ARHGAP26: variants seen among roughly 807,000 people sequenced by gnomAD.
The protein encoded by ARHGAP26 is rho GTPase-activating protein 26.
A neutral mutation model predicts 104.8 loss-of-function variants in ARHGAP26; 38 were observed. The ratio of observed to expected loss-of-function variants is 0.36; its 90% CI spans 0.28 to 0.48. The LOEUF (loss-of-function observed/expected upper bound fraction) is 0.48, where lower values mean the gene tolerates loss of function less well. Ranked by LOEUF, ARHGAP26 falls within the 20% of genes least tolerant of loss-of-function variation. The pLI, the probability that ARHGAP26 is intolerant of heterozygous loss-of-function variation, is 0.99. For missense variants in ARHGAP26, 704 were observed against 947.9 expected (o/e 0.74, Z 3.38); for synonymous variants, 341 against 340.0 (o/e 1.00, Z -0.03).
At chr5:143,105,347 G>T (rs759093337) in intron 17 of ARHGAP26, among the ~76,000 whole-genome samples, 3 of 151,426 alleles carry the variant, frequency 2.0e-5, no homozygotes, top group Non-Finnish European at 4.4e-5. Flanking sequence ...TTGCACTCCA[G>T]CCTGGGCAAC....
intron 20 of ARHGAP26, among the ~76,000 whole-genome samples, chr5:143,185,678 A>G (rs1398651154): frequency 6.6e-6 from 1 of 152,216 alleles, no homozygotes; most frequent in East Asian, 1.9e-4. Flanking sequence ...CATTCTGTCA[A>G]GAGAGCACTT....
chr5:143,195,811 CTT>C (rs879733673), intron 20 of ARHGAP26, among the ~76,000 whole-genome samples: 3 of 141,402 alleles, frequency 2.1e-5, no homozygotes, highest in South Asian at 2.2e-4. Context: ...GCTGGGGAGA[CTT>C]TTTTTTTTTT....
chr5:142,973,216 T>G (rs1360114836), intron 11 of ARHGAP26, among the ~76,000 whole-genome samples: 2 of 152,060 alleles, frequency 1.3e-5, no homozygotes, highest in African/African-American at 4.8e-5. Context: ...ATAGAAGAGA[T>G]CGTTAAAAAG....
intron 11 of ARHGAP26, among the ~76,000 whole-genome samples, chr5:142,954,261 C>G (rs1768851636): frequency 6.6e-6 from 1 of 152,168 alleles, no homozygotes; most frequent in African/African-American, 2.4e-5. Context: ...GTAATGTTCA[C>G]TCAATGCAGA....
chr5:142,969,183 T>C (rs1451029526), intron 11 of ARHGAP26: 1 of 152,270 alleles, frequency 6.6e-6, no homozygotes, highest in Non-Finnish European at 1.5e-5. Flanking sequence ...TCAAGCAATC[T>C]GCCCACCTCA....
chr5:143,163,320 T>C (rs1599311828), intron 20 of ARHGAP26, among the ~76,000 whole-genome samples: 1 of 152,186 alleles, frequency 6.6e-6, no homozygotes, highest in Non-Finnish European at 1.5e-5. Context: ...TTGGCAATTG[T>C]AGGCAGGGTT....
At chr5:143,057,857 G>C (rs1016922685) in intron 17 of ARHGAP26, 110 bp downstream of exon 17, 2 of 919,614 alleles carry the variant, frequency 2.2e-6, no homozygotes. Context: ...TATTGCATCA[G>C]GTATGCTGGA....
chr5:143,087,006 G>GA (rs1275196822), intron 17 of ARHGAP26, among the ~76,000 whole-genome samples: 1 of 152,242 alleles, frequency 6.6e-6, no homozygotes, highest in African/African-American at 2.4e-5. Context: ...GAGCTTGCTA[G>GA]ATCATGTTCC....
intron 1 of ARHGAP26, among the ~76,000 whole-genome samples, chr5:142,775,469 G>A (rs1296752606): frequency 6.6e-6 from 1 of 152,022 alleles, no homozygotes; most frequent in African/African-American, 2.4e-5. Flanking sequence ...GTCGAGGTTT[G>A]TTTGTTGTAA....
Position 142,997,308 on chromosome 5 carries a change from G to A in ARHGAP26, c.1108-16772G>A, listed in dbSNP as rs140662422. The stretch of plus-strand genomic sequence containing the variant: ...CATGGGTAGAGTGGTGAAACATTTT[G>A]ATCATCCACTGTGCATGTTCACTGA... On this transcript the variant is annotated intron_variant, in intron 11 of 22. Coordinates refer to ENST00000645722, the MANE Select transcript of ARHGAP26 (RefSeq NM_001135608.3). Among the ~76,000 whole-genome samples the A allele has an allele frequency of 7.2e-4, 110 of 152,206 alleles. 1 individual carries two copies. Among genetic ancestry groups the A allele is most frequent in the African/African-American group, 2.4e-3 (99 of 41,526 alleles).
chr5:143,063,256 T>G (rs899525275), intron 17 of ARHGAP26, among the ~76,000 whole-genome samples: 8 of 152,196 alleles, frequency 5.3e-5, no homozygotes, highest in Non-Finnish European at 1.2e-4. Context: ...TACTTTTCTC[T>G]GTCTCCATCA....
At position 143,222,949 on chromosome 5, in the gene ARHGAP26, T is replaced by C. The variant is rs865956679; in HGVS notation, c.*503T>C. On this transcript the variant is annotated 3_prime_UTR_variant, in exon 23 of 23. Transcript: ENST00000645722. ...TGAGACTTAAAGTGCTACAGGCAGC[T>C]GGATCTGTTTGCATGCAGGATGAAG... 11 of 233,414 alleles carry C rather than the reference T, an allele frequency of 4.7e-5. No individual in the cohort carries two copies. The highest frequency in any genetic ancestry group is 1.3e-3 in the Middle Eastern group (1 of 786). 14.5% of individuals were successfully genotyped at this position (233,414 alleles called of 1,614,324 possible).
At chr5:142,881,728 A>G (rs137889264) in intron 4 of ARHGAP26, among the ~76,000 whole-genome samples, 2 of 152,276 alleles carry the variant, frequency 1.3e-5, no homozygotes, top group East Asian at 1.9e-4. Flanking sequence ...CAAGCAAACA[A>G]CAGATCCACT....
intron 11 of ARHGAP26, among the ~76,000 whole-genome samples, chr5:143,012,956 T>A (rs1314826069): frequency 6.6e-6 from 1 of 151,950 alleles, no homozygotes; most frequent in Admixed American, 6.6e-5. Context: ...GCCTGGCCGA[T>A]TTTTTTCTTT....
At chr5:142,826,578 T>G (rs1482511252) in intron 1 of ARHGAP26, among the ~76,000 whole-genome samples, 1 of 152,204 alleles carries the variant, frequency 6.6e-6, no homozygotes, top group East Asian at 1.9e-4. Flanking sequence ...GAGTTAGGAT[T>G]CTTCCCAGGG....
At chr5:143,068,320 C>CGAA (rs1787798390) in intron 17 of ARHGAP26, among the ~76,000 whole-genome samples, 1 of 152,214 alleles carries the variant, frequency 6.6e-6, no homozygotes, top group Non-Finnish European at 1.5e-5. Flanking sequence ...TAGGCCATTT[C>CGAA]TTCTCTTCTA....
chr5:142,982,115 C>A (rs1774029392), intron 11 of ARHGAP26, among the ~76,000 whole-genome samples: 1 of 152,214 alleles, frequency 6.6e-6, no homozygotes, highest in Admixed American at 6.5e-5. Flanking sequence ...GTTTAGCAGG[C>A]TGTTCAGACA....
At chr5:142,916,280 A>G (rs1054778516) in intron 10 of ARHGAP26, among the ~76,000 whole-genome samples, 2 of 152,228 alleles carry the variant, frequency 1.3e-5, no homozygotes, top group African/African-American at 4.8e-5. Flanking sequence ...CTTTATACTT[A>G]ATGCTGATAT....
chr5:143,123,359 A>T (rs1412348940), intron 18 of ARHGAP26, among the ~76,000 whole-genome samples: 1 of 152,188 alleles, frequency 6.6e-6, no homozygotes, highest in Non-Finnish European at 1.5e-5. Flanking sequence ...AAGTAAGGAG[A>T]TGCTCCCTCA....
Sources: allele counts gnomAD v4.1 joint callset (sites outside exome capture counted in the v4.1 genomes callset), GRCh38; gene constraint gnomAD v4.1.1; transcripts MANE v1.5; gene names NCBI Gene and HGNC (gene_info 2026-07-23, HGNC 2026-07-21).